The following GSE1 variants were observed in gnomAD, a reference collection of about 807,000 sequenced individuals.
GSE1 encodes the protein Gse1 coiled-coil protein.
A neutral mutation model predicts 112.6 loss-of-function variants in GSE1; 32 were observed. The observed-to-expected ratio is 0.28, with a 90% CI of 0.21 to 0.38. The LOEUF is 0.38. Ranked by LOEUF, GSE1 falls within the 10% of genes least tolerant of loss-of-function variation. GSE1 has a pLI of 1.00. For synonymous variants in GSE1, 1,115 were observed against 735.6 expected, an observed-to-expected ratio of 1.52 and a Z score of -8.35; for missense variants, 2,348 against 1,699.2, an observed-to-expected ratio of 1.38 and a Z score of -6.71.
In GSE1 at chr16:85,368,415, A is replaced by G. The variant is rs75059849; in HGVS notation, c.2464+10772A>G. On this transcript the variant is annotated intron_variant, in intron 2 of 2. Coordinates refer to the GSE1 transcript ENST00000637419. Reference sequence around the variant, plus strand: ...GCCCTAAATGCCTTCTCTAAAAGATACAATTCTGACCAGGCACGGTGGCTC... The same window carrying G: ...GCCCTAAATGCCTTCTCTAAAAGATGCAATTCTGACCAGGCACGGTGGCTC... Among the ~76,000 whole-genome samples the G allele has an allele frequency of 4.1e-3, 622 of 152,226 alleles. 7 individuals carry two copies. The highest frequency in any genetic ancestry group is 0.014 in the African/African-American group (597 of 41,542).
At chr16:85,477,085 G>A (rs990265482) in intron 2 of GSE1, among the ~76,000 whole-genome samples, 1 of 152,122 alleles carries the variant, frequency 6.6e-6, no homozygotes, top group Non-Finnish European at 1.5e-5. Context: ...GCACCACCAT[G>A]CCTGGCTAAT....
At chr16:85,633,474 T>TTCCCGTCGTCCCTGGGCCTC (rs1195626105) in intron 1 of GSE1, among the ~76,000 whole-genome samples, 1 of 152,230 alleles carries the variant, frequency 6.6e-6, no homozygotes, top group Non-Finnish European at 1.5e-5. Flanking sequence ...GTTGTCTTGG[T>TTCCCGTCGTCCCTGGGCCTC]TCCCGTCGTC....
intron 1 of GSE1, among the ~76,000 whole-genome samples, chr16:85,325,256 G>A (rs528914386): frequency 6.6e-6 from 1 of 152,050 alleles, no homozygotes; most frequent in East Asian, 1.9e-4. Context: ...GGCATGAACC[G>A]CCGTATCCAG....
At chr16:85,424,287 G>A (rs2048916882) in intron 2 of GSE1, among the ~76,000 whole-genome samples, 2 of 152,266 alleles carry the variant, frequency 1.3e-5, no homozygotes, top group Admixed American at 6.5e-5. Flanking sequence ...ATCTTACCCA[G>A]AAGTCGAGGC....
chr16:85,403,798 T>A (rs1192562947), intron 2 of GSE1, among the ~76,000 whole-genome samples: 4 of 152,014 alleles, frequency 2.6e-5, no homozygotes, highest in Non-Finnish European at 5.9e-5. Flanking sequence ...TGAGACCCTG[T>A]CTCAAAACAA....
At chr16:85,392,272 G>C (rs1035646237) in intron 2 of GSE1, among the ~76,000 whole-genome samples, 1 of 152,254 alleles carries the variant, frequency 6.6e-6, no homozygotes, top group South Asian at 2.1e-4. Context: ...CTGGCAGAGA[G>C]CGTCACCAGA....
At chr16:85,289,520 G>A (rs1034821424) in intron 1 of GSE1, among the ~76,000 whole-genome samples, 6 of 152,228 alleles carry the variant, frequency 3.9e-5, no homozygotes, top group Admixed American at 3.9e-4. Flanking sequence ...CCATTCTGCA[G>A]GTCTGGGATG....
chr16:85,555,387 C>T, upstream of GSE1: 1 of 983,658 alleles, frequency 1.0e-6, no homozygotes, highest in Non-Finnish European at 1.2e-6. Context: ...AGGGAGATAA[C>T]CAAAAAAGGG....
chr16:85,189,878 T>C (rs1193450313), intron 1 of GSE1, among the ~76,000 whole-genome samples: 1 of 152,252 alleles, frequency 6.6e-6, no homozygotes, highest in African/African-American at 2.4e-5. Context: ...CTTTCATTCC[T>C]GATATTGGTG....
At chr16:85,463,183 T>C in intron 2 of GSE1, 3 of 883,238 alleles carry the variant, frequency 3.4e-6, no homozygotes, top group African/African-American at 1.8e-5. Flanking sequence ...GGATGGAACT[T>C]TCTGGGGCGC....
rs538762185 is a variant in GSE1, at chr16:85,479,106, C to G, written c.2464+121463C>G. Reference sequence around the variant, plus strand: ...GCACGATCTCGGCTCATTGCAAACTCTGCCTCCCGGGTTCACACCATTCTT... The same window carrying G: ...GCACGATCTCGGCTCATTGCAAACTGTGCCTCCCGGGTTCACACCATTCTT... On this transcript the variant is annotated intron_variant, in intron 2 of 2. Coordinates refer to the GSE1 transcript ENST00000637419. 6.9e-4 allele frequency among the ~76,000 whole-genome samples: 103 copies of G among 148,428 alleles called. No homozygotes were observed. In the South Asian group the frequency reaches 0.01, roughly 15 times the overall value.
chr16:85,408,717 C>T (rs1432691973), intron 2 of GSE1, among the ~76,000 whole-genome samples: 3 of 63,218 alleles, frequency 4.7e-5, no homozygotes, highest in East Asian at 6.0e-4. Flanking sequence ...ACACTCAGGG[C>T]ACCTGGATAA....
rs1176147473 is a variant in GSE1 at position 85,660,012 on chromosome 16, C to T, written c.1641-1134C>T. Among the ~76,000 whole-genome samples the T allele has an allele frequency of 2.0e-5, 3 of 152,222 alleles. No individual in the cohort carries two copies. The South Asian group carries it at 6.2e-4, about 31-fold the overall frequency. ...GTGGGTTTGGCTCTGGCTGGGCAGA[C>T]ACTGGAAGGTTGTCTTGTGGCTGCC... On this transcript the variant is annotated intron_variant, in intron 8 of 15. Transcript: ENST00000253458.
chr16:85,590,607 CAT>C (rs1014306578), intron 1 of GSE1, among the ~76,000 whole-genome samples: 55 of 151,622 alleles, frequency 3.6e-4, no homozygotes, highest in African/African-American at 1.3e-3. Flanking sequence ...GCATGTGTGA[CAT>C]TGTGTGCATG....
intron 2 of GSE1, among the ~76,000 whole-genome samples, chr16:85,549,935 G>GA (rs1230534377): frequency 6.6e-6 from 1 of 152,186 alleles, no homozygotes; most frequent in Non-Finnish European, 1.5e-5. Flanking sequence ...GACATCGTAG[G>GA]AAAGCAGGCA....
chr16:85,583,048 T>G (rs1362334045), intron 1 of GSE1, among the ~76,000 whole-genome samples: 1 of 152,024 alleles, frequency 6.6e-6, no homozygotes, highest in Non-Finnish European at 1.5e-5. Context: ...AGCCACTCAT[T>G]CCTCCCCGCA....
intron 1 of GSE1, among the ~76,000 whole-genome samples, chr16:85,290,164 G>A (rs72807761): frequency 0.016 from 2,423 of 152,252 alleles, 36 homozygotes; most frequent in Middle Eastern, 0.078. Flanking sequence ...ACTTCCCTGC[G>A]TGGGAAGGGT....
chr16:85,392,972 C>T (rs2047877763), intron 2 of GSE1, among the ~76,000 whole-genome samples: 1 of 152,246 alleles, frequency 6.6e-6, no homozygotes. Flanking sequence ...CTCCCTGCCT[C>T]TTTGGGCTCG....
chr16:85,369,019 A>G (rs2047241603), intron 2 of GSE1, among the ~76,000 whole-genome samples: 1 of 152,140 alleles, frequency 6.6e-6, no homozygotes, highest in East Asian at 1.9e-4. Flanking sequence ...GTAAGAAGTC[A>G]CCGTGGACTT....
Sources: allele counts gnomAD v4.1 joint callset (sites outside exome capture counted in the v4.1 genomes callset), GRCh38; gene constraint gnomAD v4.1.1; transcripts MANE v1.5; gene names NCBI Gene and HGNC (gene_info 2026-07-23, HGNC 2026-07-21).